Variants in LRP1B observed in about 807,000 individuals in gnomAD.
LRP1B encodes low-density lipoprotein receptor-related protein 1B.
In LRP1B, 217 loss-of-function variants were observed where a neutral mutation model predicts 556.6. That is an observed-to-expected ratio of 0.39 (90% confidence interval 0.35 to 0.44). LRP1B has a LOEUF of 0.44. LRP1B is among the 20% of genes least tolerant of loss of function. The pLI, the probability that LRP1B is intolerant of heterozygous loss-of-function variation, is 1.00. For missense variants in LRP1B, 5,053 were observed against 5,620.8 expected (o/e 0.90, Z 3.23); for synonymous variants, 2,047 against 1,865.8 (o/e 1.10, Z -2.50).
chr2:141,256,167 A>C (rs931068218), intron 3 of LRP1B, among the ~76,000 whole-genome samples: 3 of 152,062 alleles, frequency 2.0e-5, no homozygotes, highest in Non-Finnish European at 4.4e-5. Context: ...AATATGCAGG[A>C]AGATATCTGA....
intron 1 of LRP1B, among the ~76,000 whole-genome samples, chr2:141,921,269 C>CA (rs1321973042): frequency 1.3e-5 from 2 of 152,034 alleles, no homozygotes; most frequent in South Asian, 2.1e-4. Context: ...CTTGAATCCA[C>CA]AAAAAATTTA....
intron 1 of LRP1B, among the ~76,000 whole-genome samples, chr2:142,056,979 A>G (rs946742108): frequency 1.3e-5 from 2 of 152,114 alleles, no homozygotes; most frequent in Admixed American, 6.6e-5. Context: ...AAAACAGACA[A>G]CTCAGCACTT....
At chr2:141,178,998 T>C (rs946991568) in intron 7 of LRP1B, among the ~76,000 whole-genome samples, 2 of 152,100 alleles carry the variant, frequency 1.3e-5, no homozygotes, top group African/African-American at 4.8e-5. Flanking sequence ...AATACCGTTG[T>C]TATAAGAAGA....
intron 1 of LRP1B, among the ~76,000 whole-genome samples, chr2:141,887,629 T>C (rs534370280): frequency 3.3e-5 from 5 of 152,328 alleles, no homozygotes; most frequent in Admixed American, 6.5e-5. Flanking sequence ...GACATAGTTA[T>C]ATTTAGTTTT....
Position 141,711,856 on chromosome 2 carries a change from A to G in LRP1B, c.205+98423T>C, listed in dbSNP as rs187992729. ...ATACAGCTTCATGTGACTTTCAGCT[A>G]ACTAGATCCGTCTCAAGGGCATTTG... On this transcript the variant is annotated intron_variant, in intron 2 of 90. Transcript: ENST00000389484. Among the ~76,000 whole-genome samples the G allele has an allele frequency of 3.9e-5, 6 of 152,154 alleles. No individual in the cohort carries two copies. In the East Asian group the frequency reaches 1.2e-3, roughly 29 times the overall value.
intron 3 of LRP1B, among the ~76,000 whole-genome samples, chr2:141,376,928 T>TA (rs1045942858): frequency 6.6e-6 from 1 of 152,094 alleles, no homozygotes; most frequent in African/African-American, 2.4e-5. Flanking sequence ...TGTAAGGCAG[T>TA]AAAAATGAAA....
chr2:141,639,862 C>A (rs1164651062), intron 2 of LRP1B, among the ~76,000 whole-genome samples: 1 of 152,134 alleles, frequency 6.6e-6, no homozygotes, highest in Non-Finnish European at 1.5e-5. Context: ...CCACAACCTT[C>A]TTGTTACAAA....
At chr2:141,856,671 A>G (rs1226500731) in intron 1 of LRP1B, among the ~76,000 whole-genome samples, 3 of 152,144 alleles carry the variant, frequency 2.0e-5, no homozygotes, top group Admixed American at 6.5e-5. Context: ...AACAAGGCAA[A>G]AAGAGCAAGG....
chr2:140,608,829 T>C (rs1393167077), intron 41 of LRP1B, among the ~76,000 whole-genome samples: 1 of 127,676 alleles, frequency 7.8e-6, no homozygotes, highest in Non-Finnish European at 1.6e-5. Flanking sequence ...GTGATTTGTT[T>C]CTTTGTTTGT....
chr2:142,118,183 C>T (rs2105008077), intron 1 of LRP1B, among the ~76,000 whole-genome samples: 1 of 152,054 alleles, frequency 6.6e-6, no homozygotes, highest in South Asian at 2.1e-4. Flanking sequence ...ATTCTTATTA[C>T]AAATTGCACT....
chr2:141,057,287 C>G (rs977975304), intron 9 of LRP1B, among the ~76,000 whole-genome samples: 2 of 151,822 alleles, frequency 1.3e-5, no homozygotes, highest in Non-Finnish European at 2.9e-5. Context: ...TGTTATGGTC[C>G]TCCTTTGTTT....
chr2:140,753,004 C>T (rs148583217), intron 35 of LRP1B, among the ~76,000 whole-genome samples: 1 of 152,278 alleles, frequency 6.6e-6, no homozygotes, highest in African/African-American at 2.4e-5. Flanking sequence ...AGTTTCACTG[C>T]CCTAAAACTC....
intron 3 of LRP1B, among the ~76,000 whole-genome samples, chr2:141,444,515 G>C (rs181995589): frequency 2.7e-3 from 413 of 152,278 alleles, no homozygotes; most frequent in Middle Eastern, 6.8e-3. Flanking sequence ...GGTTTTTAAA[G>C]GGAATGCTTC....
chr2:140,929,789 C>CACACAT (rs1358504813), intron 20 of LRP1B, among the ~76,000 whole-genome samples: 5 of 151,508 alleles, frequency 3.3e-5, no homozygotes, highest in African/African-American at 9.7e-5. Context: ...CACACACACA[C>CACACAT]ACACACAGTT....
At chr2:141,406,601 C>G (rs1690649975) in intron 3 of LRP1B, among the ~76,000 whole-genome samples, 1 of 151,384 alleles carries the variant, frequency 6.6e-6, no homozygotes, top group Non-Finnish European at 1.5e-5. Context: ...TATCATCTAT[C>G]TTACATATTA....
At chr2:141,472,556 C>A (rs1382336585) in intron 3 of LRP1B, among the ~76,000 whole-genome samples, 3 of 151,812 alleles carry the variant, frequency 2.0e-5, no homozygotes, top group Non-Finnish European at 4.4e-5. Context: ...AAATTAAAAT[C>A]AAATCAAATC....
At chr2:141,140,067 C>A (rs1701605266) in intron 7 of LRP1B, among the ~76,000 whole-genome samples, 1 of 151,908 alleles carries the variant, frequency 6.6e-6, no homozygotes, top group South Asian at 2.1e-4. Flanking sequence ...AATAACTATG[C>A]TGGGTGAAAG....
intron 59 of LRP1B, among the ~76,000 whole-genome samples, chr2:140,481,146 G>T (rs1468276644): frequency 6.6e-6 from 1 of 152,182 alleles, no homozygotes. Flanking sequence ...AATTACAGGC[G>T]TGAGCCACTG....
chr2:142,061,687 T>G (rs989788564), intron 1 of LRP1B, among the ~76,000 whole-genome samples: 3 of 151,970 alleles, frequency 2.0e-5, no homozygotes, highest in African/African-American at 7.2e-5. Context: ...GAATCAAAAT[T>G]TAATCAATTC....
Sources: gnomAD v4.1 joint callset for allele counts (sites outside exome capture counted in the v4.1 genomes callset) on GRCh38, gnomAD v4.1.1 for gene constraint, MANE v1.5 for transcripts, NCBI Gene and HGNC (gene_info 2026-07-23, HGNC 2026-07-21) for gene names.